The following ANKH variants were observed in gnomAD, a reference collection of about 807,000 sequenced individuals.
ANKH encodes mineralization regulator ANKH.
A neutral mutation model predicts 49.0 loss-of-function variants in ANKH; 15 were observed. The ratio of observed to expected loss-of-function variants is 0.31; its 90% CI spans 0.20 to 0.47. ANKH has a LOEUF of 0.47. Among genes scored for constraint, ANKH ranks in the 20% least tolerant of loss-of-function variants. The probability of loss-of-function intolerance (pLI) is 1.00; values close to 1 mark genes in which losing one functional copy is unlikely to be tolerated. For synonymous variants in ANKH, 273 were observed against 260.0 expected (o/e 1.05, Z -0.48); for missense variants, 429 against 652.0 (o/e 0.66, Z 3.72).
At chr5:14,807,510 C>G (rs7711266) in intron 1 of ANKH, among the ~76,000 whole-genome samples, 2 of 152,106 alleles carry the variant, frequency 1.3e-5, no homozygotes, top group Non-Finnish European at 2.9e-5. Flanking sequence ...TCCTAGGTAC[C>G]GATCCTTAAC....
rs551282415 is a variant in ANKH at position 14,772,166 on chromosome 5, T to C, written c.97-2975A>G. ...ACATGTAATCCAGTGTCACAGACTC[T>C]GGCAGAAGCACAGGCAGAGCTACTC... On this transcript the variant is annotated intron_variant, in intron 1 of 11. Transcript: ENST00000284268. Among the ~76,000 whole-genome samples the C allele has an allele frequency of 2.0e-5, 3 of 152,280 alleles. No individual in the cohort carries two copies. The South Asian group carries it at 6.2e-4, about 32-fold the overall frequency.
intron 9 of ANKH, among the ~76,000 whole-genome samples, chr5:14,716,340 A>C (rs1258879702): frequency 2.0e-5 from 3 of 152,142 alleles, no homozygotes; most frequent in Non-Finnish European, 4.4e-5. Context: ...TAAAAATACA[A>C]AAATTAGTTG....
At chr5:14,799,813 A>G (rs1740515439) in intron 1 of ANKH, among the ~76,000 whole-genome samples, 1 of 152,194 alleles carries the variant, frequency 6.6e-6, no homozygotes, top group Non-Finnish European at 1.5e-5. Context: ...GACTGCTAAC[A>G]CAACATCCAT....
At chr5:14,777,442 A>G (rs889575751) in intron 1 of ANKH, among the ~76,000 whole-genome samples, 1 of 152,172 alleles carries the variant, frequency 6.6e-6, no homozygotes, top group Non-Finnish European at 1.5e-5. Context: ...AAACCACAGG[A>G]TATTAAAAAG....
At chr5:14,721,039 G>A (rs527892751) in intron 8 of ANKH, among the ~76,000 whole-genome samples, 1 of 152,206 alleles carries the variant, frequency 6.6e-6, no homozygotes, top group African/African-American at 2.4e-5. Context: ...TGGAGCAGTG[G>A]GTGGGGGGTC....
chr5:14,752,505 C>T (rs932751928), intron 4 of ANKH, among the ~76,000 whole-genome samples: 2 of 152,164 alleles, frequency 1.3e-5, no homozygotes, highest in South Asian at 4.1e-4. Context: ...TATTAACCTC[C>T]CTGTACTGCA....
chr5:14,779,093 C>T (rs1224806210), intron 1 of ANKH, among the ~76,000 whole-genome samples: 1 of 152,148 alleles, frequency 6.6e-6, no homozygotes, highest in Non-Finnish European at 1.5e-5. Flanking sequence ...CTCTCTGAAA[C>T]TACAAAACTC....
At chr5:14,855,806 C>A (rs556614029) in intron 1 of ANKH, among the ~76,000 whole-genome samples, 3 of 150,504 alleles carry the variant, frequency 2.0e-5, no homozygotes, top group Non-Finnish European at 2.9e-5. Flanking sequence ...GAAAATCCAG[C>A]CTTAAAGGCC....
At chr5:14,714,229 G>A (rs757917716) in intron 9 of ANKH, among the ~76,000 whole-genome samples, 1 of 152,208 alleles carries the variant, frequency 6.6e-6, no homozygotes, top group Non-Finnish European at 1.5e-5. Flanking sequence ...TCCTAATGGT[G>A]TGGGCCCTCG....
In ANKH at chr5:14,770,428, A is replaced by G. The variant is rs1049677655; in HGVS notation, c.97-1237T>C. On this transcript the variant is annotated intron_variant, in intron 1 of 11. Coordinates refer to ENST00000284268, the MANE Select transcript of ANKH (RefSeq NM_054027.6). This position sits in a 1 kb window ranked among gnomAD's most constrained non-coding sequence, Gnocchi z 4.1. ...ACCTATGTTTTTTCCTATATATACT[A>G]TGTTTTTTCCTATATATACATACCT... Among the ~76,000 whole-genome samples the G allele has an allele frequency of 1.3e-5, 2 of 152,118 alleles. No individual in the cohort carries two copies. The highest frequency in any genetic ancestry group is 4.8e-5 in the African/African-American group (2 of 41,424).
At chr5:14,820,253 A>C (rs1056194310) in intron 1 of ANKH, among the ~76,000 whole-genome samples, 1 of 152,190 alleles carries the variant, frequency 6.6e-6, no homozygotes, top group Non-Finnish European at 1.5e-5. Flanking sequence ...TTTTAGTTTC[A>C]TGAATGAGAT....
Position 14,871,728 on chromosome 5 carries a change from G to GGCGGCGGCGGCA in ANKH, c.-293_-282dup, listed in dbSNP as rs1263352506. On this transcript the variant is annotated 5_prime_UTR_variant, in exon 1 of 12. Transcript: ENST00000284268. ...AAAAAAGAGGAGGGACGGCGGCGGC[G>GGCGGCGGCGGCA]GCGGCGGCGGCAGAAGGTTCTGCTG... 3 of 158,636 alleles carry GGCGGCGGCGGCA rather than the reference G, an allele frequency of 1.9e-5. No individual in the cohort carries two copies. In the East Asian group the frequency reaches 5.5e-4, roughly 29 times the overall value. The allele number at this position is 158,636 out of a possible 1,614,324, so 9.8% of individuals were successfully genotyped here.
chr5:14,835,275 C>T lies in ANKH; in HGVS notation c.96+36077G>A, dbSNP rs144346507. ...ACTGAAAGAGATGAGTGTTGCTCAG[C>T]GAGATGACTGCTGTCCCTCTGGTTA... On this transcript the variant is annotated intron_variant, in intron 1 of 11. Coordinates refer to ENST00000284268, the MANE Select transcript of ANKH (RefSeq NM_054027.6). Among the ~76,000 whole-genome samples the T allele has an allele frequency of 6.8e-4, 104 of 152,250 alleles. 1 individual carries two copies. Among genetic ancestry groups the T allele is most frequent in the Middle Eastern group, 3.4e-3 (1 of 294 alleles).
At chr5:14,821,898 T>C (rs56101441) in intron 1 of ANKH, among the ~76,000 whole-genome samples, 14,430 of 152,286 alleles carry the variant, frequency 0.095, 840 homozygotes, top group Admixed American at 0.12. Context: ...CCTTTTTTTT[T>C]CCATAAAAAT....
chr5:14,837,345 A>C (rs1741684615), intron 1 of ANKH, among the ~76,000 whole-genome samples: 1 of 152,204 alleles, frequency 6.6e-6, no homozygotes, highest in African/African-American at 2.4e-5. Context: ...CAACCTATAG[A>C]ATGGGAGAAA....
intron 1 of ANKH, among the ~76,000 whole-genome samples, chr5:14,808,413 A>C (rs535410841): frequency 6.6e-6 from 1 of 152,328 alleles, no homozygotes; most frequent in East Asian, 1.9e-4. Context: ...GGTAATTAAA[A>C]AATTTCCTAC....
At chr5:14,724,214 G>A (rs2126432719) in intron 8 of ANKH, among the ~76,000 whole-genome samples, 1 of 152,288 alleles carries the variant, frequency 6.6e-6, no homozygotes, top group African/African-American at 2.4e-5. Context: ...CTACTCGGGA[G>A]GCAGAGGCAG....
intron 1 of ANKH, among the ~76,000 whole-genome samples, chr5:14,852,892 G>A (rs1742156239): frequency 6.6e-6 from 1 of 152,028 alleles, no homozygotes; most frequent in South Asian, 2.1e-4. Context: ...GCCTCACCCA[G>A]GAGAATTCAT....
chr5:14,837,037 A>C (rs1416219813), intron 1 of ANKH, among the ~76,000 whole-genome samples: 1 of 152,228 alleles, frequency 6.6e-6, no homozygotes, highest in African/African-American at 2.4e-5. Flanking sequence ...CCTATTTAAT[A>C]AATGGTGCTG....
Sources: allele counts gnomAD v4.1 joint callset (sites outside exome capture counted in the v4.1 genomes callset), GRCh38; gene constraint gnomAD v4.1.1; non-coding constraint Gnocchi (gnomAD v3.1); transcripts MANE v1.5; gene names NCBI Gene and HGNC (gene_info 2026-07-23, HGNC 2026-07-21).